The following ADAMTS20 variants were observed in gnomAD, a reference collection of about 807,000 sequenced individuals.
ADAMTS20 encodes ADAM metallopeptidase with thrombospondin type 1 motif 20.
ADAMTS20 carries 225 observed loss-of-function variants against 260.1 expected under a neutral mutation model. That is an observed-to-expected ratio of 0.87 (90% CI 0.78 to 0.97). The LOEUF (loss-of-function observed/expected upper bound fraction) is 0.97. ADAMTS20 is among the 50% of genes least tolerant of loss of function. ADAMTS20 has a pLI of 0.00. For synonymous variants in ADAMTS20, 802 were observed against 769.5 expected, an observed-to-expected ratio of 1.04 and a Z score of -0.70; for missense variants, 2,400 against 2,337.7, an observed-to-expected ratio of 1.03 and a Z score of -0.55.
At chr12:43,415,400 T>C (rs1941111334) in intron 28 of ADAMTS20, among the ~76,000 whole-genome samples, 1 of 152,208 alleles carries the variant, frequency 6.6e-6, no homozygotes, top group Non-Finnish European at 1.5e-5. Context: ...GTCTCTCTTA[T>C]ACTAGAGTAC....
At chr12:43,369,631 C>G (rs1265388961) in intron 36 of ADAMTS20, among the ~76,000 whole-genome samples, 1 of 151,872 alleles carries the variant, frequency 6.6e-6, no homozygotes, top group Non-Finnish European at 1.5e-5. Context: ...TGTAATTAAA[C>G]AGAAGAGTTA....
intron 8 of ADAMTS20, among the ~76,000 whole-genome samples, chr12:43,467,251 T>C (rs551703199): frequency 6.6e-6 from 1 of 152,176 alleles, no homozygotes; most frequent in African/African-American, 2.4e-5. Flanking sequence ...CCATCTATTT[T>C]ATATGAAAGA....
chr12:43,361,426 G>A lies in ADAMTS20; in HGVS notation c.5539-4838C>T, dbSNP rs1014761737. On this transcript the variant is annotated intron_variant, in intron 37 of 38. Transcript: ENST00000389420. Reference sequence around the variant, plus strand: ...GCTCCTTTTGACAGCATGTGTCTATGCCCAATAACAACCAATTTTGGAAAT... The same window carrying A: ...GCTCCTTTTGACAGCATGTGTCTATACCCAATAACAACCAATTTTGGAAAT... 2.2e-4 allele frequency among the ~76,000 whole-genome samples: 34 copies of A among 152,378 alleles called. 1 individual carries two copies. Among genetic ancestry groups the A allele is most frequent in the Admixed American group, 1.8e-3 (28 of 15,314 alleles).
intron 8 of ADAMTS20, among the ~76,000 whole-genome samples, chr12:43,467,292 T>A (rs1942172189): frequency 6.6e-6 from 1 of 152,068 alleles, no homozygotes; most frequent in Non-Finnish European, 1.5e-5. Flanking sequence ...CCATACTTCC[T>A]AAGTGATGCC....
At chr12:43,534,345 AATAG>A (rs1474399575) in intron 2 of ADAMTS20, among the ~76,000 whole-genome samples, 4 of 152,192 alleles carry the variant, frequency 2.6e-5, no homozygotes, top group African/African-American at 7.2e-5. Context: ...CTCAAAAGAA[AATAG>A]ATACTTTAAT....
chr12:43,382,776 AT>A (rs572559168), intron 31 of ADAMTS20, among the ~76,000 whole-genome samples: 82 of 152,282 alleles, frequency 5.4e-4, no homozygotes, highest in Non-Finnish European at 1.0e-3. Flanking sequence ...TATGGAAGAT[AT>A]AAAAAAGCTG....
At chr12:43,526,876 C>T (rs895094954) in intron 3 of ADAMTS20, among the ~76,000 whole-genome samples, 3 of 149,624 alleles carry the variant, frequency 2.0e-5, no homozygotes, top group Admixed American at 6.7e-5. Context: ...AAAAACAATA[C>T]AAAAAAAAAT....
intron 37 of ADAMTS20, among the ~76,000 whole-genome samples, chr12:43,362,310 A>G (rs1371229295): frequency 6.6e-6 from 1 of 152,204 alleles, no homozygotes; most frequent in Admixed American, 6.5e-5. Flanking sequence ...ACTTCAGGAG[A>G]GGAGGGACTC....
At chr12:43,471,299 A>G (rs1160527417) in intron 7 of ADAMTS20, among the ~76,000 whole-genome samples, 4 of 151,870 alleles carry the variant, frequency 2.6e-5, no homozygotes, top group East Asian at 1.9e-4. Context: ...ACGGCGCACC[A>G]CGGGACTATA....
chr12:43,478,656 A>G (rs577930423), intron 7 of ADAMTS20, among the ~76,000 whole-genome samples: 1 of 152,318 alleles, frequency 6.6e-6, no homozygotes, highest in South Asian at 2.1e-4. Flanking sequence ...AAAATCTACA[A>G]CTAAACCCAC....
At chr12:43,423,862 G>T (rs1263179262) in intron 28 of ADAMTS20, 2 of 724,136 alleles carry the variant, frequency 2.8e-6, no homozygotes, top group Non-Finnish European at 5.1e-6. Context: ...GGCAAAATAT[G>T]TTTTTCATTA....
intron 2 of ADAMTS20, among the ~76,000 whole-genome samples, chr12:43,550,242 A>G (rs944537787): frequency 3.3e-5 from 5 of 152,256 alleles, no homozygotes; most frequent in African/African-American, 1.2e-4. Flanking sequence ...TATCACCAAT[A>G]AAATGATACT....
chr12:43,528,371 A>AAAAAAAAAAAC, intron 3 of ADAMTS20, among the ~76,000 whole-genome samples: 1 of 149,404 alleles, frequency 6.7e-6, no homozygotes, highest in Non-Finnish European at 1.5e-5. Flanking sequence ...AAAAAAAAAA[A>AAAAAAAAAAAC]AAACACAAAT....
chr12:43,398,475 TCTATCTCTGACAACTTC>T (rs1940747573), intron 29 of ADAMTS20, among the ~76,000 whole-genome samples: 1 of 152,156 alleles, frequency 6.6e-6, no homozygotes, highest in Non-Finnish European at 1.5e-5. Context: ...GCCTAGGCTA[TCTATCTCTGACAACTTC>T]CTAACTCTCA....
chr12:43,523,626 C>G (rs1943101286), intron 3 of ADAMTS20, among the ~76,000 whole-genome samples: 1 of 152,116 alleles, frequency 6.6e-6, no homozygotes, highest in South Asian at 2.1e-4. Flanking sequence ...ATCTACCTTG[C>G]CAAGTGCACA....
intron 29 of ADAMTS20, among the ~76,000 whole-genome samples, chr12:43,394,948 T>C (rs1358911897): frequency 6.6e-6 from 1 of 152,134 alleles, no homozygotes; most frequent in East Asian, 1.9e-4. Context: ...GACTGTCCCT[T>C]GCTGCTCCCT....
At chr12:43,546,787 A>G (rs1016651214) in intron 2 of ADAMTS20, among the ~76,000 whole-genome samples, 1 of 152,184 alleles carries the variant, frequency 6.6e-6, no homozygotes. Flanking sequence ...TTCCATTTTT[A>G]TACTTTTTAT....
At chr12:43,483,055 A>G (rs1237041626) in intron 7 of ADAMTS20, among the ~76,000 whole-genome samples, 1 of 152,148 alleles carries the variant, frequency 6.6e-6, no homozygotes, top group Admixed American at 6.5e-5. Flanking sequence ...CAACACACTA[A>G]GGCTACTTAT....
intron 14 of ADAMTS20, among the ~76,000 whole-genome samples, chr12:43,450,432 T>C (rs1941844071): frequency 6.6e-6 from 1 of 152,192 alleles, no homozygotes; most frequent in Non-Finnish European, 1.5e-5. Context: ...GTAGCATGCC[T>C]CTATATGTTC....
Sources: gnomAD v4.1 joint callset for allele counts (sites outside exome capture counted in the v4.1 genomes callset) on GRCh38, gnomAD v4.1.1 for gene constraint, MANE v1.5 for transcripts, NCBI Gene and HGNC (gene_info 2026-07-23, HGNC 2026-07-21) for gene names.